The following KCNIP4 variants were observed in gnomAD, a reference collection of about 807,000 sequenced individuals.
KCNIP4 encodes the protein potassium voltage-gated channel interacting protein 4, also known as Kv channel-interacting protein 4.
KCNIP4 carries 12 observed loss-of-function variants against 34.0 expected under a neutral mutation model. The observed-to-expected ratio is 0.35, with a 90% CI of 0.23 to 0.57. The LOEUF is 0.57. Among genes scored for constraint, KCNIP4 ranks in the 20% least tolerant of loss-of-function variants. KCNIP4 has a pLI of 0.83. For synonymous variants in KCNIP4, 124 were observed against 102.2 expected (o/e 1.21, Z -1.29); for missense variants, 238 against 311.7 (o/e 0.76, Z 1.78).
intron 1 of KCNIP4, among the ~76,000 whole-genome samples, chr4:21,665,565 A>G (rs903684528): frequency 1.3e-5 from 2 of 149,652 alleles, no homozygotes; most frequent in African/African-American, 2.4e-5. Flanking sequence ...AATCAACACA[A>G]ATGTAAAAAC....
At position 21,252,130 on chromosome 4, in the gene KCNIP4, T is replaced by TTTTG. The variant is rs1491552979; in HGVS notation, c.62-369422_62-369421insCAAA. On this transcript the variant is annotated intron_variant, in intron 1 of 8. Transcript: ENST00000382152. Reference sequence around the variant, plus strand: ...TTTAAGTAACATGAATGAGGTTTTGTTTTTTTTTTTTTTTTTGAGACAGAG... The same window carrying TTTTG: ...TTTAAGTAACATGAATGAGGTTTTGTTTTGTTTTTTTTTTTTTTTTGAGACAGAG... Among the ~76,000 whole-genome samples the TTTTG allele has an allele frequency of 1.5e-3, 101 of 68,396 alleles. 2 individuals are homozygous for TTTTG. The highest frequency in any genetic ancestry group is 1.0e-2 in the African/African-American group (33 of 3,302). 44.9% of individuals were successfully genotyped at this position (68,396 alleles called of 152,430 possible).
At chr4:21,439,350 T>G (rs772239611) in intron 1 of KCNIP4, among the ~76,000 whole-genome samples, 15 of 152,128 alleles carry the variant, frequency 9.9e-5, no homozygotes, top group Non-Finnish European at 1.9e-4. Flanking sequence ...CCTCCCAACT[T>G]CTAGTGGAAT....
chr4:21,746,841 C>A (rs2109137972), intron 1 of KCNIP4, among the ~76,000 whole-genome samples: 1 of 152,092 alleles, frequency 6.6e-6, no homozygotes, highest in East Asian at 1.9e-4. Context: ...GTATGCAAAG[C>A]TATATATTAA....
intron 1 of KCNIP4, among the ~76,000 whole-genome samples, chr4:21,911,935 C>A (rs992274980): frequency 6.6e-6 from 1 of 151,974 alleles, no homozygotes; most frequent in African/African-American, 2.4e-5. Flanking sequence ...ACTTTCATGT[C>A]ACTAATTCTA....
chr4:20,850,711 C>T, intron 2 of KCNIP4, 44 bp from the exon 3 acceptor site: 1 of 1,598,852 alleles, frequency 6.3e-7, no homozygotes, highest in South Asian at 1.1e-5. Context: ...AGCCACTGCT[C>T]ACCGATGCTT....
At chr4:21,194,042 G>C (rs928709323) in intron 1 of KCNIP4, among the ~76,000 whole-genome samples, 6 of 152,292 alleles carry the variant, frequency 3.9e-5, no homozygotes, top group Non-Finnish European at 7.4e-5. Context: ...TGGAAGCACA[G>C]AGAAATTTCA....
At chr4:20,859,395 C>T (rs1179215567) in intron 2 of KCNIP4, among the ~76,000 whole-genome samples, 2 of 152,176 alleles carry the variant, frequency 1.3e-5, no homozygotes, top group Non-Finnish European at 1.5e-5. Flanking sequence ...TGCGCATTTG[C>T]ATCCTGAGAT....
chr4:21,335,298 T>TC (rs1716067090), intron 1 of KCNIP4, among the ~76,000 whole-genome samples: 1 of 152,138 alleles, frequency 6.6e-6, no homozygotes, highest in African/African-American at 2.4e-5. Context: ...TGAACTCTTT[T>TC]ACCTTAAAAA....
intron 1 of KCNIP4, among the ~76,000 whole-genome samples, chr4:21,725,077 T>G (rs1434025728): frequency 6.6e-6 from 1 of 152,150 alleles, no homozygotes; most frequent in African/African-American, 2.4e-5. Flanking sequence ...CTAAACCTAG[T>G]AAATTTGGGA....
chr4:21,740,353 ATTCT>A (rs1249192946), intron 1 of KCNIP4, among the ~76,000 whole-genome samples: 3 of 152,102 alleles, frequency 2.0e-5, no homozygotes. Flanking sequence ...CCCTTCATTC[ATTCT>A]TTCTTTTCTC....
At chr4:21,553,174 T>C (rs1320956097) in intron 1 of KCNIP4, among the ~76,000 whole-genome samples, 2 of 152,044 alleles carry the variant, frequency 1.3e-5, no homozygotes, top group Non-Finnish European at 2.9e-5. Context: ...GAATAACAAG[T>C]TGTGAGCACA....
intron 1 of KCNIP4, among the ~76,000 whole-genome samples, chr4:21,886,503 A>G (rs1334693585): frequency 3.3e-5 from 5 of 152,124 alleles, no homozygotes. Flanking sequence ...ATTTTTACAG[A>G]GGGAGTAAGC....
At chr4:20,752,066 T>TC (rs1553889564) in intron 4 of KCNIP4, among the ~76,000 whole-genome samples, 9 of 149,992 alleles carry the variant, frequency 6.0e-5, no homozygotes, top group East Asian at 2.0e-4. Context: ...TTTTTTTTTT[T>TC]TTTTTTTTTG....
At chr4:21,467,174 A>G (rs1432121022) in intron 1 of KCNIP4, among the ~76,000 whole-genome samples, 1 of 151,816 alleles carries the variant, frequency 6.6e-6, no homozygotes, top group East Asian at 1.9e-4. Flanking sequence ...GGGTTTTGGA[A>G]TTAATTTTTA....
chr4:21,228,642 G>A (rs1758572372), intron 1 of KCNIP4, among the ~76,000 whole-genome samples: 1 of 152,102 alleles, frequency 6.6e-6, no homozygotes, highest in Non-Finnish European at 1.5e-5. Flanking sequence ...ATATCTTTTA[G>A]TTCTCTTCTT....
chr4:20,920,779 CAGG>C (rs1729320206), intron 1 of KCNIP4, among the ~76,000 whole-genome samples: 1 of 152,114 alleles, frequency 6.6e-6, no homozygotes, highest in Non-Finnish European at 1.5e-5. Context: ...ATCACAAGGT[CAGG>C]AGTTCGAGAC....
chr4:21,455,821 A>T (rs1485402557), intron 1 of KCNIP4, among the ~76,000 whole-genome samples: 5 of 49,254 alleles, frequency 1.0e-4, no homozygotes, highest in African/African-American at 2.9e-4. Flanking sequence ...ATATATATAT[A>T]TATATATATA....
At chr4:21,249,994 T>C (rs1760574039) in intron 1 of KCNIP4, among the ~76,000 whole-genome samples, 1 of 152,098 alleles carries the variant, frequency 6.6e-6, no homozygotes, top group South Asian at 2.1e-4. Context: ...TAAGAAAGGG[T>C]TCAGAATGGT....
intron 1 of KCNIP4, among the ~76,000 whole-genome samples, chr4:21,050,489 G>T (rs1742826964): frequency 6.6e-6 from 1 of 152,064 alleles, no homozygotes; most frequent in African/African-American, 2.4e-5. Flanking sequence ...AGTCTCCATA[G>T]TTAAAGACCA....
Sources: allele counts gnomAD v4.1 joint callset (sites outside exome capture counted in the v4.1 genomes callset), GRCh38; gene constraint gnomAD v4.1.1; transcripts MANE v1.5; gene names NCBI Gene and HGNC (gene_info 2026-07-23, HGNC 2026-07-21).